The following HGD variants were observed in gnomAD, a reference collection of about 807,000 sequenced individuals.
The protein encoded by HGD is homogentisate oxidase.
HGD carries 61 observed loss-of-function variants against 60.8 expected under a neutral mutation model. The ratio of observed to expected loss-of-function variants is 1.00; its 90% CI spans 0.82 to 1.24. The LOEUF is 1.24. HGD is among the 50% of genes most tolerant of loss of function. The probability of loss-of-function intolerance (pLI) is 0.00; values close to 1 mark genes in which losing one functional copy is unlikely to be tolerated. For synonymous variants in HGD, 212 were observed against 187.7 expected, an observed-to-expected ratio of 1.13 and a Z score of -1.06; for missense variants, 542 against 547.1, an observed-to-expected ratio of 0.99 and a Z score of 0.09.
intron 1 of HGD, among the ~76,000 whole-genome samples, chr3:120,678,262 G>T (rs965716660): frequency 6.6e-6 from 1 of 152,136 alleles, no homozygotes; most frequent in African/African-American, 2.4e-5. Flanking sequence ...ACCATCAACG[G>T]GATTGAATTT....
chr3:120,674,086 T>C (rs1346649124), intron 3 of HGD, among the ~76,000 whole-genome samples: 1 of 152,204 alleles, frequency 6.6e-6, no homozygotes, highest in Non-Finnish European at 1.5e-5. Context: ...GAAGGACCTG[T>C]GGAGATAAAC....
intron 4 of HGD, among the ~76,000 whole-genome samples, chr3:120,663,633 C>G (rs1256301478): frequency 6.6e-6 from 1 of 151,738 alleles, no homozygotes; most frequent in Admixed American, 6.6e-5. Context: ...GTCATGGAAC[C>G]CAGGGAAAAA....
intron 4 of HGD, chr3:120,670,188 G>T (rs146031279): frequency 5.5e-6 from 3 of 544,036 alleles, no homozygotes; most frequent in Non-Finnish European, 6.6e-6. Flanking sequence ...GCAGAACTGT[G>T]AGTCAATTAA....
chr3:120,649,438 C>T (rs113514515), intron 6 of HGD, among the ~76,000 whole-genome samples: 11,158 of 152,056 alleles, frequency 0.073, 1,236 homozygotes, highest in African/African-American at 0.24. Flanking sequence ...CCACTGTGCC[C>T]GGCCTCCGTT....
intron 4 of HGD, among the ~76,000 whole-genome samples, chr3:120,660,116 T>C (rs990288421): frequency 6.6e-6 from 1 of 152,104 alleles, no homozygotes; most frequent in Non-Finnish European, 1.5e-5. Context: ...TTGCTCCCCC[T>C]TTGCCTTCCA....
At chr3:120,677,688 C>CCCACACCTAT (rs1356504752) in intron 1 of HGD, among the ~76,000 whole-genome samples, 51 of 152,338 alleles carry the variant, frequency 3.3e-4, no homozygotes, top group Non-Finnish European at 5.9e-4. Context: ...TTGTAAAGTA[C>CCCACACCTAT]TTGATGTCTG....
chr3:120,646,427 C>G (rs1941165655), intron 8 of HGD, 61 bp from the exon 9 acceptor site: 1 of 1,071,604 alleles, frequency 9.3e-7, no homozygotes, highest in Admixed American at 1.7e-5. Context: ...TATAAAGAAG[C>G]TGCCCAGAGC....
chr3:120,633,516 G>A, intron 12 of HGD, 188 bp from the exon 13 acceptor site: 5 of 1,507,512 alleles, frequency 3.3e-6, no homozygotes, highest in Non-Finnish European at 4.4e-6. Context: ...TTCTTGGCAG[G>A]CACAGCTCTA....
At chr3:120,661,984 A>C (rs1357084061) in intron 4 of HGD, among the ~76,000 whole-genome samples, 1 of 152,268 alleles carries the variant, frequency 6.6e-6, no homozygotes, top group Non-Finnish European at 1.5e-5. Context: ...GGCATAATGA[A>C]GAAAGTATTA....
At chr3:120,652,718 TA>T (rs1442832564) in intron 4 of HGD, 67 bp from the exon 5 acceptor site, 70 of 1,023,802 alleles carry the variant, frequency 6.8e-5, no homozygotes, top group Middle Eastern at 5.5e-4. Context: ...TCTAAATAAA[TA>T]GCATCAATTA....
intron 2 of HGD, 67 bp downstream of exon 2, chr3:120,675,725 T>C: frequency 2.3e-6 from 3 of 1,280,242 alleles, no homozygotes; most frequent in South Asian, 2.4e-5. Flanking sequence ...TGGAGGCACT[T>C]TGGCCTGAAA....
chr3:120,628,635 C>G, intron 13 of HGD, 106 bp from the exon 14 acceptor site: 1 of 1,301,378 alleles, frequency 7.7e-7, no homozygotes, highest in Non-Finnish European at 1.1e-6. Context: ...CTTCCAATAA[C>G]AAATCAAAGA....
intron 3 of HGD, among the ~76,000 whole-genome samples, chr3:120,673,837 CCTTT>C (rs1215896723): frequency 6.6e-6 from 1 of 152,168 alleles, no homozygotes; most frequent in Non-Finnish European, 1.5e-5. Context: ...TTACACACAT[CCTTT>C]CTTTTAATCC....
chr3:120,673,830 C>T (rs1029734812), intron 3 of HGD, among the ~76,000 whole-genome samples: 3 of 152,190 alleles, frequency 2.0e-5, no homozygotes, highest in Non-Finnish European at 4.4e-5. Context: ...ATGTGCTTTA[C>T]ACACATCCTT....
At chr3:120,628,669 G>C (rs1475921221) in intron 13 of HGD, 140 bp from the exon 14 acceptor site, 23 of 1,011,340 alleles carry the variant, frequency 2.3e-5, no homozygotes, top group Non-Finnish European at 3.0e-5. Context: ...GTGGTGAGGA[G>C]AGCAGGCTCA....
At chr3:120,645,214 A>G (rs146420666) in intron 9 of HGD, among the ~76,000 whole-genome samples, 1 of 152,308 alleles carries the variant, frequency 6.6e-6, no homozygotes, top group Admixed American at 6.5e-5. Context: ...TATGCTGACT[A>G]TAGAGCAGCA....
At chr3:120,667,261 G>A (rs1236196010) in intron 4 of HGD, among the ~76,000 whole-genome samples, 1 of 146,262 alleles carries the variant, frequency 6.8e-6, no homozygotes, top group East Asian at 2.0e-4. Context: ...GGGAAGTCAA[G>A]GCTGCAGTGA....
chr3:120,647,205 T>C (rs1036997325), intron 7 of HGD, among the ~76,000 whole-genome samples, 153 bp from the exon 8 acceptor site: 3 of 152,162 alleles, frequency 2.0e-5, no homozygotes, highest in African/African-American at 7.2e-5. Flanking sequence ...TCTGACAACT[T>C]AGATTAGCTA....
At chr3:120,646,582 C>T (rs1341736543) in intron 8 of HGD, among the ~76,000 whole-genome samples, 1 of 151,914 alleles carries the variant, frequency 6.6e-6, no homozygotes, top group African/African-American at 2.4e-5. Flanking sequence ...CCTAATCACA[C>T]ATGTGACCCA....
Sources: allele counts gnomAD v4.1 joint callset (sites outside exome capture counted in the v4.1 genomes callset), GRCh38; gene constraint gnomAD v4.1.1; transcripts MANE v1.5; gene names NCBI Gene and HGNC (gene_info 2026-07-23, HGNC 2026-07-21).